KEL: variants seen among roughly 807,000 people sequenced by gnomAD.
KEL encodes kell blood group glycoprotein.
A neutral mutation model predicts 99.5 loss-of-function variants in KEL; 96 were observed. The observed-to-expected ratio is 0.97, with a 90% CI of 0.82 to 1.14. The LOEUF is 1.14. Ranked by LOEUF, KEL falls within the 50% of genes most tolerant of loss-of-function variation. KEL has a pLI of 0.00. For synonymous variants in KEL, 355 were observed against 354.8 expected, an observed-to-expected ratio of 1.00 and a Z score of -0.01; for missense variants, 926 against 924.2, an observed-to-expected ratio of 1.00 and a Z score of -0.03.
intron 10 of KEL, among the ~76,000 whole-genome samples, chr7:142,951,809 A>T (rs1796692596): frequency 6.6e-6 from 1 of 152,148 alleles, no homozygotes; most frequent in African/African-American, 2.4e-5. Context: ...TACTAAGAAA[A>T]AAAATCCAGT....
chr7:142,960,221 C>A (rs1796923498), intron 4 of KEL, among the ~76,000 whole-genome samples: 1 of 152,188 alleles, frequency 6.6e-6, no homozygotes, highest in African/African-American at 2.4e-5. Context: ...AGTGATGAAG[C>A]CCTCTCTCAC....
rs372807961 is a variant in KEL, at chr7:142,942,565, C to G, written c.1942-36G>C. The G allele has an allele frequency of 4.8e-6, 7 of 1,473,384 alleles. No homozygotes were observed. In the African/African-American group the frequency reaches 9.7e-5, roughly 20 times the overall value. The allele number at this position is 1,473,384 out of a possible 1,614,324, so 91.3% of individuals were successfully genotyped here. On this transcript the variant is annotated intron_variant, in intron 17 of 18. Coordinates refer to ENST00000355265, the MANE Select transcript of KEL (RefSeq NM_000420.3). The stretch of plus-strand genomic sequence containing the variant: ...GTGGGTAGAGAAGGGCCATCAGGCT[C>G]TAGACCTGTGGCCATTTGAAAGTCC...
chr7:142,958,515 G>A (rs1244485095), intron 4 of KEL, 87 bp from the exon 5 acceptor site: 3 of 1,259,734 alleles, frequency 2.4e-6, no homozygotes, highest in Non-Finnish European at 3.4e-6. Context: ...GGGGAGTCAT[G>A]CCCTATATCA....
rs1796383894 is a variant in KEL, at chr7:142,942,436, G to T, written c.2035C>A (p.Gln679Lys). ...GGCGGGAGGTGGCCGCTGCCTACCT[G>T]GGCATAGCTTCGAAAGAAGATCTGC... Reference protein sequence around the residue: ...PQQIFFRSYAQVMCRKPSPQD... With the variant: ...PQQIFFRSYAKVMCRKPSPQD... The change falls in exon 18 of 19, where the codon CAG (glutamine) becomes AAG (lysine). Residue 679 changes from glutamine (Q) to lysine (K), a missense_variant and splice_region_variant. Coordinates refer to ENST00000355265, the MANE Select transcript of KEL (RefSeq NM_000420.3). 1 of 1,585,864 alleles carries T rather than the reference G, an allele frequency of 6.3e-7. No homozygotes were observed.
chr7:142,944,467 G>A (rs1015452385), intron 12 of KEL, 67 bp from the exon 13 acceptor site: 14 of 1,372,722 alleles, frequency 1.0e-5, no homozygotes, highest in South Asian at 4.6e-5. Flanking sequence ...TCTCCCACTC[G>A]TTGCCCTGTC....
intron 15 of KEL, 49 bp downstream of exon 15, chr7:142,943,437 C>T (rs542863957): frequency 2.7e-5 from 43 of 1,603,574 alleles, no homozygotes; most frequent in South Asian, 1.8e-4. Context: ...TAACACCTGT[C>T]GGCCCCTCTT....
chr7:142,943,511 G>A lies in KEL; in HGVS notation c.1678C>T (p.Pro560Ser). Residue 560 changes from proline to serine, a missense_variant, in exon 15 of 19, where the codon CCA (proline) becomes TCA (serine). Transcript: ENST00000355265. ...VVFPAGLLQPPFFHPGYPRAV... is the reference protein window; with the variant it reads ...VVFPAGLLQPSFFHPGYPRAV... ...CTGGGATAGCCAGGGTGGAAGAATG[G>A]GGGTTGGAGGAGTCCAGCTGGAAAG... 1.2e-6 allele frequency: 2 copies of A among 1,614,106 alleles called. No homozygotes were observed. Among genetic ancestry groups the A allele is most frequent in the Non-Finnish European group, 1.7e-6 (2 of 1,179,964 alleles).
At chr7:142,944,973 G>T in intron 11 of KEL, 2 of 601,230 alleles carry the variant, frequency 3.3e-6, no homozygotes, top group Admixed American at 2.9e-5. Context: ...AGGGCCATCA[G>T]GGAGATATAG....
At chr7:142,943,235 G>C (rs1562956780) in intron 16 of KEL, 41 bp downstream of exon 16, 4 of 1,606,684 alleles carry the variant, frequency 2.5e-6, no homozygotes, top group Non-Finnish European at 3.4e-6. Flanking sequence ...CTTCCCTTAG[G>C]TTCCCTATTA....
chr7:142,942,759 C>G (rs8176040), intron 17 of KEL, 116 bp downstream of exon 17: 3 of 1,330,688 alleles, frequency 2.3e-6, no homozygotes, highest in Non-Finnish European at 2.2e-6. Context: ...AGTGGGGATG[C>G]GAAGGGCAGA....
intron 2 of KEL, 129 bp downstream of exon 2, chr7:142,961,666 G>A: frequency 7.8e-7 from 1 of 1,278,206 alleles, no homozygotes; most frequent in Admixed American, 1.7e-5. Flanking sequence ...TGGGAGATGA[G>A]AAAACAAGGA....
chr7:142,958,223 GA>G (rs1029991288), intron 5 of KEL, 80 bp downstream of exon 5: 70 of 1,562,920 alleles, frequency 4.5e-5, no homozygotes, highest in African/African-American at 3.5e-4. Context: ...CCACCCTCTA[GA>G]AAAAAAAATG....
Position 142,957,913 on chromosome 7 carries a change from G to C in KEL, c.586C>G (p.Leu196Val), listed in dbSNP as rs760539605. ...AAATGGCCATACTGACTCATCAGAA[G>C]TCTCAGCGTTCGGTTAAAGTTTAAG... ...TSLNFNRTLR[L>V]LMSQYGHFPF... is the part of the protein sequence containing the mutation. The change falls in exon 6 of 19, where the codon CTT (leucine) becomes GTT (valine). Residue 196 changes from leucine (L) to valine (V), a missense_variant. Leu to Val is a conservative substitution (Grantham distance 32, BLOSUM62 1). Transcript: ENST00000355265. 128 of 1,614,014 alleles carry C rather than the reference G, an allele frequency of 7.9e-5. 1 individual carries two copies. Among genetic ancestry groups the C allele is most frequent in the Non-Finnish European group, 1.0e-4 (120 of 1,180,026 alleles).
In KEL at chr7:142,943,304, G is replaced by A. The variant is rs377071873; in HGVS notation, c.1743C>T (p.His581=). 3.0e-5 allele frequency: 48 copies of A among 1,614,070 alleles called. No homozygotes were observed. Among genetic ancestry groups the A allele is most frequent in the East Asian group, 2.0e-4 (9 of 44,882 alleles). ...GCTGGTAGAAGATGTGCAACAGCTC[G>A]TGGGCCATGATGCTGCCAGCAGCGC... ...NFGAAGSIMA[H]ELLHIFYQLL... is the part of the protein sequence containing the mutation. Residue 581 remains histidine (H), a synonymous_variant, in exon 16 of 19, where the codon CAC becomes CAT. Coordinates refer to ENST00000355265, the MANE Select transcript of KEL (RefSeq NM_000420.3).
chr7:142,960,821 G>A (rs1448186074), intron 4 of KEL, 107 bp downstream of exon 4: 4 of 1,140,730 alleles, frequency 3.5e-6, no homozygotes, highest in South Asian at 1.2e-5. Context: ...ACCTGGGATG[G>A]TGCAAATCAG....
intron 1 of KEL, 86 bp downstream of exon 1, chr7:142,962,118 C>T: frequency 6.2e-7 from 1 of 1,613,600 alleles, no homozygotes; most frequent in South Asian, 1.1e-5. Flanking sequence ...GCCTTACATT[C>T]CCTCCCCTCC....
At chr7:142,961,187 G>T in intron 3 of KEL, 83 bp from the exon 4 acceptor site, 3 of 1,531,490 alleles carry the variant, frequency 2.0e-6, no homozygotes, top group Non-Finnish European at 1.8e-6. Context: ...AACATCAGGT[G>T]AGTAACTAAG....
rs748896471 is a variant in KEL at position 142,946,320 on chromosome 7, A to G, written c.1204-3T>C. 2.5e-6 allele frequency: 4 copies of G among 1,611,064 alleles called. No individual in the cohort carries two copies. Among genetic ancestry groups the G allele is most frequent in the South Asian group, 1.1e-5 (1 of 90,490 alleles). On this transcript the variant is annotated splice_region_variant and splice_polypyrimidine_tract_variant and intron_variant, in intron 10 of 18. Transcript: ENST00000355265. The stretch of plus-strand genomic sequence containing the variant: ...TTCATCCATCGTGGGCGGGCAGGCT[A>G]TGGAGACAAAGCTGGAATGAGTGGC...
intron 10 of KEL, among the ~76,000 whole-genome samples, chr7:142,946,867 G>A (rs1016118933): frequency 6.6e-6 from 1 of 152,162 alleles, no homozygotes; most frequent in Admixed American, 6.5e-5. Context: ...ATGCCATATT[G>A]TTTGCTAGGA....
Sources: gnomAD v4.1 joint callset for allele counts (sites outside exome capture counted in the v4.1 genomes callset) on GRCh38, gnomAD v4.1.1 for gene constraint, MANE v1.5 for transcripts, NCBI Gene and HGNC (gene_info 2026-07-23, HGNC 2026-07-21) for gene names.